DIP2C: variants seen among roughly 807,000 people sequenced by gnomAD.
The protein encoded by DIP2C is DIP2 acetate--CoA ligase C (putative), also known as disco-interacting protein 2 homolog C.
DIP2C carries 33 observed loss-of-function variants against 192.4 expected under a neutral mutation model. The observed-to-expected ratio is 0.17, with a 90% CI of 0.13 to 0.23. The LOEUF is 0.23. Ranked by LOEUF, DIP2C falls within the 10% of genes least tolerant of loss-of-function variation. The probability of loss-of-function intolerance (pLI) is 1.00; values close to 1 mark genes in which losing one functional copy is unlikely to be tolerated. For synonymous variants in DIP2C, 979 were observed against 864.1 expected, an observed-to-expected ratio of 1.13 and a Z score of -2.33; for missense variants, 1,537 against 2,110.1, an observed-to-expected ratio of 0.73 and a Z score of 5.32.
At chr10:426,159 G>A (rs1375452401) in intron 4 of DIP2C, among the ~76,000 whole-genome samples, 2 of 152,176 alleles carry the variant, frequency 1.3e-5, no homozygotes, top group Non-Finnish European at 2.9e-5. Flanking sequence ...TAAAAAATGA[G>A]TTTGATGAGG....
At chr10:367,506 G>A (rs1308915595) in intron 18 of DIP2C, among the ~76,000 whole-genome samples, 2 of 152,204 alleles carry the variant, frequency 1.3e-5, no homozygotes, top group Non-Finnish European at 2.9e-5. Context: ...GTAACACGGT[G>A]GGTAAGGAGT....
At chr10:688,445 G>A (rs937007131) in intron 1 of DIP2C, among the ~76,000 whole-genome samples, 3 of 152,144 alleles carry the variant, frequency 2.0e-5, no homozygotes, top group African/African-American at 7.2e-5. Context: ...CCTCCCTGCC[G>A]GTGAAAATTG....
At chr10:462,219 C>CA (rs200657570) in intron 3 of DIP2C, among the ~76,000 whole-genome samples, 3,508 of 151,964 alleles carry the variant, frequency 0.023, 156 homozygotes, top group African/African-American at 0.079. Context: ...AAAAACTCTT[C>CA]AAAAAAATCA....
intron 9 of DIP2C, among the ~76,000 whole-genome samples, chr10:405,388 A>G (rs942315981): frequency 1.3e-5 from 2 of 152,254 alleles, no homozygotes; most frequent in African/African-American, 4.8e-5. Context: ...TGGTATAACA[A>G]AGTTAATAAA....
In DIP2C at chr10:277,534, G is replaced by A. The variant is rs1219341756; in HGVS notation, c.4462C>T (p.Leu1488=). 1 of 1,614,122 alleles carries A rather than the reference G, an allele frequency of 6.2e-7. No individual in the cohort carries two copies. The highest frequency in any genetic ancestry group is 1.7e-5 in the Admixed American group (1 of 60,016). The change falls in exon 37 of 37, where the codon CTG becomes TTG. Residue 1488 remains leucine, a synonymous_variant. Transcript: ENST00000280886. ...AAGGCTTCTTGTTCCGACCCATCCAGCTCAACCACAACCACCAACAAATTT... is the reference window on the plus strand; with the variant it reads ...AAGGCTTCTTGTTCCGACCCATCCAACTCAACCACAACCACCAACAAATTT... ...WTNLLVVVVE[L]DGSEQEALDL... is the part of the protein sequence containing the mutation.
At chr10:414,743 A>AGTGTG (rs1564680031) in intron 7 of DIP2C, among the ~76,000 whole-genome samples, 4,337 of 64,356 alleles carry the variant, frequency 0.067, 355 homozygotes, top group African/African-American at 0.19. Flanking sequence ...GTGTGTGTAC[A>AGTGTG]TATATATATA....
chr10:318,014 G>A (rs966171649), intron 31 of DIP2C, among the ~76,000 whole-genome samples: 9 of 152,152 alleles, frequency 5.9e-5, no homozygotes, highest in Admixed American at 3.9e-4. Context: ...CAGAGGCTTC[G>A]GCTTGTCTCC....
At chr10:446,883 AATG>A (rs1272089493) in intron 3 of DIP2C, among the ~76,000 whole-genome samples, 2 of 149,440 alleles carry the variant, frequency 1.3e-5, no homozygotes, top group African/African-American at 2.6e-5. Context: ...TTGATTTTTG[AATG>A]ATGAGCCAAG....
At chr10:377,092 G>A (rs911418196) in intron 17 of DIP2C, among the ~76,000 whole-genome samples, 6 of 151,790 alleles carry the variant, frequency 4.0e-5, no homozygotes, top group East Asian at 3.9e-4. Context: ...TGCACAGCAC[G>A]GAAAGTGAGC....
chr10:595,531 CCCA>C (rs1369246354), intron 1 of DIP2C, among the ~76,000 whole-genome samples: 3 of 152,144 alleles, frequency 2.0e-5, no homozygotes, highest in Admixed American at 1.3e-4. Context: ...ACATCAATAT[CCCA>C]CCAAGAGAAC....
At chr10:641,497 T>TA (rs1342380487) in intron 1 of DIP2C, among the ~76,000 whole-genome samples, 1 of 152,140 alleles carries the variant, frequency 6.6e-6, no homozygotes, top group Non-Finnish European at 1.5e-5. Context: ...ATGAAGATGA[T>TA]ACTCACACAA....
chr10:606,328 C>G (rs954000470), intron 1 of DIP2C, among the ~76,000 whole-genome samples: 2 of 152,222 alleles, frequency 1.3e-5, no homozygotes, highest in Non-Finnish European at 2.9e-5. Context: ...CACGGCCACT[C>G]GCCCCGCTGC....
chr10:650,342 T>C lies in DIP2C; in HGVS notation c.85+39152A>G, dbSNP rs767907697. 17 of 717,204 alleles carry C rather than the reference T, an allele frequency of 2.4e-5. No individual in the cohort carries two copies. The East Asian group carries it at 3.8e-4, about 16-fold the overall frequency. The allele number at this position is 717,204 out of a possible 1,614,324, so 44.4% of individuals were successfully genotyped here. Reference sequence around the variant, plus strand: ...GTGGACCACGCCAGCCCACAGCCACTGCAAGCCCCAGACCGGGGCTGTGGA... The same window carrying C: ...GTGGACCACGCCAGCCCACAGCCACCGCAAGCCCCAGACCGGGGCTGTGGA... On this transcript the variant is annotated intron_variant, in intron 1 of 36. Transcript: ENST00000280886.
intron 1 of DIP2C, among the ~76,000 whole-genome samples, chr10:490,264 T>C (rs932306517): frequency 4.6e-5 from 7 of 152,234 alleles, no homozygotes; most frequent in Non-Finnish European, 1.0e-4. Context: ...AATTCCTGCC[T>C]CTCTTCTCTC....
chr10:590,035 G>A (rs1851310298), intron 1 of DIP2C, among the ~76,000 whole-genome samples: 1 of 152,236 alleles, frequency 6.6e-6, no homozygotes, highest in African/African-American at 2.4e-5. Context: ...CAGGAGAAAG[G>A]TAGGAGTGGT....
chr10:474,398 T>G (rs1970895637), intron 2 of DIP2C, among the ~76,000 whole-genome samples: 1 of 152,184 alleles, frequency 6.6e-6, no homozygotes, highest in Admixed American at 6.5e-5. Context: ...CCTTTCACAA[T>G]TCTCCAGCAG....
chr10:281,301 C>T lies in DIP2C; in HGVS notation c.4317G>A (p.Val1439=). Residue 1439 remains valine (V), a synonymous_variant, in exon 36 of 37, where the codon GTG becomes GTA. Coordinates refer to ENST00000280886, the MANE Select transcript of DIP2C (RefSeq NM_014974.3). Reference sequence around the variant, plus strand: ...CCATGGCTTCGTCCAGTGCCCCTACCACGTAGAGGGCATCATGGCGCTCTG... The same window carrying T: ...CCATGGCTTCGTCCAGTGCCCCTACTACGTAGAGGGCATCATGGCGCTCTG... ...ANGERHDALY[V]VGALDEAMEL... 2.5e-6 allele frequency: 4 copies of T among 1,613,866 alleles called. No individual in the cohort carries two copies. The highest frequency in any genetic ancestry group is 3.4e-6 in the Non-Finnish European group (4 of 1,179,774).
chr10:625,645 C>T (rs949579132), intron 1 of DIP2C, among the ~76,000 whole-genome samples: 1 of 152,162 alleles, frequency 6.6e-6, no homozygotes, highest in Non-Finnish European at 1.5e-5. Flanking sequence ...AAGCCATGCA[C>T]GGCCTCACGC....
intron 1 of DIP2C, among the ~76,000 whole-genome samples, chr10:530,261 G>T (rs1847286364): frequency 6.6e-6 from 1 of 152,226 alleles, no homozygotes; most frequent in Non-Finnish European, 1.5e-5. Context: ...CAAGGGTTTT[G>T]TTCCTTATTT....
Sources: gnomAD v4.1 joint callset for allele counts (sites outside exome capture counted in the v4.1 genomes callset) on GRCh38, gnomAD v4.1.1 for gene constraint, MANE v1.5 for transcripts, NCBI Gene and HGNC (gene_info 2026-07-23, HGNC 2026-07-21) for gene names.